GREB1: variants seen among roughly 807,000 people sequenced by gnomAD.
The protein encoded by GREB1 is growth regulating estrogen receptor binding 1.
A neutral mutation model predicts 200.7 loss-of-function variants in GREB1; 106 were observed. The observed-to-expected ratio is 0.53, with a 90% confidence interval of 0.45 to 0.62. The LOEUF (loss-of-function observed/expected upper bound fraction) is 0.62. Among genes scored for constraint, GREB1 ranks in the 20% least tolerant of loss-of-function variants. The pLI is 0.00. For synonymous variants in GREB1, 1,132 were observed against 1,092.4 expected (o/e 1.04, Z -0.72); for missense variants, 2,243 against 2,556.8 (o/e 0.88, Z 2.65).
chr2:11,589,882 C>T (rs1231381249), intron 10 of GREB1, among the ~76,000 whole-genome samples: 2 of 152,110 alleles, frequency 1.3e-5, no homozygotes, highest in Admixed American at 6.5e-5. Context: ...TCTGTCTTGG[C>T]GTGAGTTTGT....
At chr2:11,494,501 C>T (rs375822899) in intron 1 of GREB1, among the ~76,000 whole-genome samples, 2 of 152,208 alleles carry the variant, frequency 1.3e-5, no homozygotes, top group Non-Finnish European at 2.9e-5. Context: ...GAGTTGTTCT[C>T]GTAAGAGACT....
At chr2:11,635,176 C>A in intron 29 of GREB1, 94 bp from the exon 30 acceptor site, 1 of 1,474,962 alleles carries the variant, frequency 6.8e-7, no homozygotes, top group Non-Finnish European at 9.3e-7. Flanking sequence ...TCATAGCCCC[C>A]TACGATGGGG....
chr2:11,627,487 T>G (rs1323432789), intron 25 of GREB1, among the ~76,000 whole-genome samples: 1 of 152,220 alleles, frequency 6.6e-6, no homozygotes. Flanking sequence ...AGAAGGGAGA[T>G]GTGCACATAA....
Position 11,600,913 on chromosome 2 carries a change from C to T in GREB1, c.2447C>T (p.Thr816Ile). 1 of 1,614,124 alleles carries T rather than the reference C, an allele frequency of 6.2e-7. No individual in the cohort carries two copies. The highest frequency in any genetic ancestry group is 2.2e-5 in the East Asian group (1 of 44,878). ...CCCAACATTGTGACACTTCACGTGA[C>T]CTCCTTCCCGTATGCACTGCAGACA... ...EAPNIVTLHV[T>I]SFPYALQTQH... Residue 816 changes from threonine to isoleucine, a missense_variant, in exon 16 of 33, where the codon ACC (threonine) becomes ATC (isoleucine). By Grantham distance (89) the Thr-to-Ile change is moderately conservative. Transcript: ENST00000381486.
intron 1 of GREB1, among the ~76,000 whole-genome samples, chr2:11,519,091 C>T (rs1266770569): frequency 1.3e-4 from 19 of 145,742 alleles, no homozygotes; most frequent in African/African-American, 4.8e-4. Flanking sequence ...AATGAGACTC[C>T]GTCTCAGAAA....
In GREB1 at chr2:11,492,834, G is replaced by C. The variant is rs1672801080; in HGVS notation, c.-159+10453G>C. On this transcript the variant is annotated intron_variant, in intron 1 of 2. Coordinates refer to the GREB1 transcript ENST00000628795. The surrounding 1 kb of genome is among the most constrained non-coding windows in gnomAD (Gnocchi z 4.0). Reference sequence around the variant, plus strand: ...AAGAGTCTCCAAGGCAGTTGTGCCAGGCAGTACCCACAGAGGGTGTGCCCT... The same window carrying C: ...AAGAGTCTCCAAGGCAGTTGTGCCACGCAGTACCCACAGAGGGTGTGCCCT... 6.6e-6 allele frequency among the ~76,000 whole-genome samples: 1 copy of C among 152,200 alleles called. No individual in the cohort carries two copies. Among genetic ancestry groups the C allele is most frequent in the African/African-American group, 2.4e-5 (1 of 41,444 alleles).
intron 1 of GREB1, among the ~76,000 whole-genome samples, chr2:11,524,170 T>C (rs1436605559): frequency 2.6e-5 from 4 of 152,186 alleles, no homozygotes; most frequent in African/African-American, 4.8e-5. Flanking sequence ...TTCTCCCTCC[T>C]CTCAGTAGAA....
intron 25 of GREB1, among the ~76,000 whole-genome samples, chr2:11,627,466 A>G (rs1440931980): frequency 6.6e-6 from 1 of 152,212 alleles, no homozygotes; most frequent in Non-Finnish European, 1.5e-5. Context: ...CCCATCCTCC[A>G]TGCTCAGTCT....
In GREB1 at chr2:11,618,930, C is replaced by T. The variant is rs1399344769; in HGVS notation, c.4044+11C>T. 6.7e-7 allele frequency: 1 copy of T among 1,487,634 alleles called. No individual in the cohort carries two copies. The highest frequency in any genetic ancestry group is 1.4e-5 in the African/African-American group (1 of 72,158). 92.2% of individuals were successfully genotyped at this position (1,487,634 alleles called of 1,614,324 possible). ...AGCGGCCCCCCTCAGGTGAGTGTTG[C>T]TCGCTGCCCCAGCACAGCCCCGGAC... On this transcript the variant is annotated intron_variant, in intron 22 of 32. Coordinates refer to ENST00000381486, the MANE Select transcript of GREB1 (RefSeq NM_014668.4).
intron 10 of GREB1, among the ~76,000 whole-genome samples, chr2:11,589,673 A>G (rs533720257): frequency 3.5e-4 from 54 of 152,354 alleles, no homozygotes; most frequent in African/African-American, 1.3e-3. Flanking sequence ...GGGCAGACGC[A>G]GTGGCGGAAA....
chr2:11,516,746 A>G (rs1460221843), intron 1 of GREB1, among the ~76,000 whole-genome samples: 1 of 152,162 alleles, frequency 6.6e-6, no homozygotes, highest in East Asian at 1.9e-4. Context: ...CATCTAAGGG[A>G]AAGACCTGCA....
rs188330221 is a variant in GREB1, at chr2:11,597,279, A to G, written c.1955-502A>G. Among the ~76,000 whole-genome samples the G allele has an allele frequency of 6.6e-6, 1 of 152,272 alleles. No homozygotes were observed. Among genetic ancestry groups the G allele is most frequent in the Admixed American group, 6.5e-5 (1 of 15,302 alleles). On this transcript the variant is annotated intron_variant, in intron 13 of 32. Coordinates refer to ENST00000381486, the MANE Select transcript of GREB1 (RefSeq NM_014668.4). This position sits in a 1 kb window ranked among gnomAD's most constrained non-coding sequence, Gnocchi z 4.1. ...CTAATTTAAAATTCAGTCTTTAATTATGACAATCTCATTTAATCTTGAATT... is the reference window on the plus strand; with the variant it reads ...CTAATTTAAAATTCAGTCTTTAATTGTGACAATCTCATTTAATCTTGAATT...
At chr2:11,550,894 C>T (rs756731423) in intron 1 of GREB1, among the ~76,000 whole-genome samples, 1 of 152,314 alleles carries the variant, frequency 6.6e-6, no homozygotes, top group Non-Finnish European at 1.5e-5. Context: ...CAGAAGCCTC[C>T]TCTCCTTTCT....
intron 15 of GREB1, among the ~76,000 whole-genome samples, chr2:11,599,158 C>T (rs922712474): frequency 1.3e-5 from 2 of 152,046 alleles, no homozygotes; most frequent in African/African-American, 4.8e-5. Flanking sequence ...AGAGCTGAGA[C>T]CCCGAATCAC....
intron 18 of GREB1, among the ~76,000 whole-genome samples, chr2:11,611,786 G>A (rs963818864): frequency 2.6e-5 from 4 of 152,174 alleles, no homozygotes; most frequent in African/African-American, 9.7e-5. Flanking sequence ...CCCATAGTAG[G>A]TTCTCACTCA....
chr2:11,634,100 C>T, intron 28 of GREB1, 31 bp from the exon 29 acceptor site: 1 of 1,590,642 alleles, frequency 6.3e-7, no homozygotes, highest in South Asian at 1.1e-5. Flanking sequence ...CGTGTGTCAG[C>T]CTAGGGACTC....
intron 1 of GREB1, among the ~76,000 whole-genome samples, chr2:11,488,858 G>T (rs1409735954): frequency 7.5e-6 from 1 of 133,810 alleles, no homozygotes; most frequent in Non-Finnish European, 1.6e-5. Context: ...TGGGGCATAT[G>T]TAGGCAGTTT....
At chr2:11,620,815 G>T (rs1683945820) in intron 22 of GREB1, 90 bp from the exon 23 acceptor site, 1 of 731,546 alleles carries the variant, frequency 1.4e-6, no homozygotes, top group Non-Finnish European at 2.5e-6. Flanking sequence ...AAGTGAGGCA[G>T]ATGTCAGGAG....
At chr2:11,603,130 C>G (rs1681935215) in intron 17 of GREB1, among the ~76,000 whole-genome samples, 1 of 152,170 alleles carries the variant, frequency 6.6e-6, no homozygotes, top group Non-Finnish European at 1.5e-5. Context: ...ACAGCCAGCC[C>G]CTTTAACCCT....
Sources: gnomAD v4.1 joint callset for allele counts (sites outside exome capture counted in the v4.1 genomes callset) on GRCh38, gnomAD v4.1.1 for gene constraint, Gnocchi (gnomAD v3.1) non-coding constraint, MANE v1.5 for transcripts, NCBI Gene and HGNC (gene_info 2026-07-23, HGNC 2026-07-21) for gene names.